SLC25A37: variants seen among roughly 807,000 people sequenced by gnomAD.
SLC25A37 encodes solute carrier family 25 member 37.
SLC25A37 carries 17 observed loss-of-function variants against 31.0 expected under a neutral mutation model. The observed-to-expected ratio is 0.55, with a 90% CI of 0.38 to 0.82. SLC25A37 has a LOEUF of 0.82. Ranked by LOEUF, SLC25A37 falls within the 40% of genes least tolerant of loss-of-function variation. SLC25A37 has a pLI of 0.00. For synonymous variants in SLC25A37, 222 were observed against 193.0 expected, an observed-to-expected ratio of 1.15 and a Z score of -1.24; for missense variants, 404 against 465.8, an observed-to-expected ratio of 0.87 and a Z score of 1.22.
rs140552292 is a variant in SLC25A37 at position 23,573,486 on chromosome 8, C to T, written c.*1631C>T. 2.4e-3 allele frequency: 503 copies of T among 211,706 alleles called. 2 individuals carry two copies. The highest frequency in any genetic ancestry group is 0.011 in the African/African-American group (473 of 44,198). The allele number at this position is 211,706 out of a possible 1,614,324, so 13.1% of individuals were successfully genotyped here. Reference sequence around the variant, plus strand: ...CATGTATGTTTGCATTTCAGTGAGCCGGGTCCTGACCTGCCGCCACCCATC... The same window carrying T: ...CATGTATGTTTGCATTTCAGTGAGCTGGGTCCTGACCTGCCGCCACCCATC... On this transcript the variant is annotated 3_prime_UTR_variant, in exon 4 of 4. Transcript: ENST00000519973.
chr8:23,550,514 G>A (rs1802194906), intron 1 of SLC25A37, among the ~76,000 whole-genome samples: 1 of 152,252 alleles, frequency 6.6e-6, no homozygotes, highest in Admixed American at 6.5e-5. Flanking sequence ...TGTGGCCTCC[G>A]CCAAGGGCGT....
intron 3 of SLC25A37, 70 bp from the exon 4 acceptor site, chr8:23,571,265 G>T: frequency 6.9e-7 from 1 of 1,454,054 alleles, no homozygotes. Flanking sequence ...ATTCCGACCT[G>T]GGGTGGGGCC....
chr8:23,548,048 C>G (rs1247084174), intron 1 of SLC25A37, among the ~76,000 whole-genome samples: 1 of 152,174 alleles, frequency 6.6e-6, no homozygotes, highest in South Asian at 2.1e-4. Context: ...AGAGGAGCAT[C>G]CGTGGGAATG....
In SLC25A37 at chr8:23,529,033, C is replaced by T. The variant is rs972433340; in HGVS notation, c.31C>T (p.Gln11Ter). The T allele has an allele frequency of 3.9e-6, 6 of 1,551,014 alleles. No individual in the cohort carries two copies. Among genetic ancestry groups the T allele is most frequent in the East Asian group, 2.5e-5 (1 of 40,338 alleles). Residue 11 changes from glutamine to a stop codon, truncating the protein, a stop_gained, in exon 1 of 4, where the codon CAG (glutamine) becomes TAG (stop). Coordinates refer to ENST00000519973, the MANE Select transcript of SLC25A37 (RefSeq NM_016612.4). LOFTEE classifies it high-confidence loss of function. The surrounding 1 kb of genome is among the most constrained non-coding windows in gnomAD (Gnocchi z 4.1). MELRSGSVGS[Q>*]AVARRMDGDS... Reference sequence around the variant, plus strand: ...GCTGCGCAGCGGGAGCGTGGGCAGCCAGGCGGTGGCGCGGAGGATGGATGG... The same window carrying T: ...GCTGCGCAGCGGGAGCGTGGGCAGCTAGGCGGTGGCGCGGAGGATGGATGG...
At chr8:23,555,193 CG>C (rs1415279157) in intron 1 of SLC25A37, among the ~76,000 whole-genome samples, 1 of 152,172 alleles carries the variant, frequency 6.6e-6, no homozygotes. Flanking sequence ...CCTCCTGCAG[CG>C]GGAATTGTTT....
intron 1 of SLC25A37, among the ~76,000 whole-genome samples, chr8:23,544,774 A>T (rs1293755576): frequency 1.3e-5 from 2 of 152,108 alleles, no homozygotes; most frequent in Non-Finnish European, 2.9e-5. Flanking sequence ...TGACACTCTA[A>T]TCTGGGGTTC....
In SLC25A37 at chr8:23,571,945, T is replaced by G. The variant is rs1239635564; in HGVS notation, c.*90T>G. On this transcript the variant is annotated 3_prime_UTR_variant, in exon 4 of 4. Coordinates refer to ENST00000519973, the MANE Select transcript of SLC25A37 (RefSeq NM_016612.4). Reference sequence around the variant, plus strand: ...CCTCACACGTAGATCATTTTTTTTTTGCAGGGTGCTGCCTATGGGCCCTCT... The same window carrying G: ...CCTCACACGTAGATCATTTTTTTTTGGCAGGGTGCTGCCTATGGGCCCTCT... The G allele has an allele frequency of 7.0e-7, 1 of 1,426,766 alleles. No homozygotes were observed. The allele number at this position is 1,426,766 out of a possible 1,614,324, so 88.4% of individuals were successfully genotyped here. A position where few individuals can be genotyped will look rare whatever the true frequency, so the allele number is the denominator to read the frequency against.
chr8:23,555,907 C>T (rs899055093), intron 1 of SLC25A37, among the ~76,000 whole-genome samples: 3 of 152,350 alleles, frequency 2.0e-5, no homozygotes, highest in Admixed American at 1.3e-4. Context: ...GGGAAAGCCA[C>T]GTAGACCTGA....
Position 23,563,338 on chromosome 8 carries a change from C to T in SLC25A37, c.211-2770C>T, listed in dbSNP as rs533121807. Among the ~76,000 whole-genome samples, 10 of 152,256 alleles carry T rather than the reference C, an allele frequency of 6.6e-5. No individual in the cohort carries two copies. In the East Asian group the frequency reaches 1.4e-3, roughly 21 times the overall value. ...AATAGCCAAGGCTACAGAGGTGTGC[C>T]GCCATGCCTGGCTAATTTCTTATTT... On this transcript the variant is annotated intron_variant, in intron 1 of 3. Coordinates refer to ENST00000519973, the MANE Select transcript of SLC25A37 (RefSeq NM_016612.4).
chr8:23,560,014 CT>C (rs1168800451), intron 1 of SLC25A37, among the ~76,000 whole-genome samples: 1 of 152,116 alleles, frequency 6.6e-6, no homozygotes, highest in Non-Finnish European at 1.5e-5. Flanking sequence ...GGTAGTGGAG[CT>C]TTAAAAAAGA....
chr8:23,546,528 G>GGTGTATATATATATATATATA (rs1802047406), intron 1 of SLC25A37, among the ~76,000 whole-genome samples: 1 of 78,532 alleles, frequency 1.3e-5, no homozygotes, highest in Non-Finnish European at 2.4e-5. Flanking sequence ...TATATATATA[G>GGTGTATATATATATATATATA]GTGTATATAT....
Position 23,546,548 on chromosome 8 carries a change from T to C in SLC25A37, c.210+17336T>C, listed in dbSNP as rs1348885768. Among the ~76,000 whole-genome samples, 7 of 16,214 alleles carry C rather than the reference T, an allele frequency of 4.3e-4. No individual in the cohort carries two copies. In the East Asian group the frequency reaches 9.8e-3, roughly 23 times the overall value. 10.6% of individuals were successfully genotyped at this position (16,214 alleles called of 152,430 possible). A position where few individuals can be genotyped will look rare whatever the true frequency, so the allele number is the denominator to read the frequency against. ...ATATAGGTGTATATATATATATATATATATAGTGTATATATATATATATAT... is the reference window on the plus strand; with the variant it reads ...ATATAGGTGTATATATATATATATACATATAGTGTATATATATATATATAT... On this transcript the variant is annotated intron_variant, in intron 1 of 3. Coordinates refer to ENST00000519973, the MANE Select transcript of SLC25A37 (RefSeq NM_016612.4).
chr8:23,571,968 T>G lies in SLC25A37; in HGVS notation c.*113T>G. 8 of 1,179,574 alleles carry G rather than the reference T, an allele frequency of 6.8e-6. No individual in the cohort carries two copies. Among genetic ancestry groups the G allele is most frequent in the Non-Finnish European group, 8.3e-6 (7 of 840,170 alleles). 73.1% of individuals were successfully genotyped at this position (1,179,574 alleles called of 1,614,324 possible). A position where few individuals can be genotyped will look rare whatever the true frequency, so the allele number is the denominator to read the frequency against. On this transcript the variant is annotated 3_prime_UTR_variant, in exon 4 of 4. Transcript: ENST00000519973. ...TTTGCAGGGTGCTGCCTATGGGCCC[T>G]CTGCTCCCCAATGCCTTAGAGAGAG...
chr8:23,529,018 G>C lies in SLC25A37; in HGVS notation c.16G>C (p.Gly6Arg), dbSNP rs781228880. 3.3e-6 allele frequency: 5 copies of C among 1,534,764 alleles called. No individual in the cohort carries two copies. Among genetic ancestry groups the C allele is most frequent in the Non-Finnish European group, 3.5e-6 (4 of 1,141,258 alleles). The change falls in exon 1 of 4, where the codon GGG becomes CGG. Residue 6 changes from glycine to arginine, a missense_variant. Around this residue, in one of 3 missense-constraint regions of SLC25A37, gnomAD observed 154 missense variants for 153.6 expected, o/e 1.00. Transcript: ENST00000519973. The surrounding 1 kb of genome is among the most constrained non-coding windows in gnomAD (Gnocchi z 4.1). ...GAGCTGGCGGATGGAGCTGCGCAGC[G>C]GGAGCGTGGGCAGCCAGGCGGTGGC... MELRS[G>R]SVGSQAVARR...
In SLC25A37 at chr8:23,573,639, G is replaced by C. The variant is rs932688457; in HGVS notation, c.*1784G>C. On this transcript the variant is annotated 3_prime_UTR_variant, in exon 4 of 4. Coordinates refer to ENST00000519973, the MANE Select transcript of SLC25A37 (RefSeq NM_016612.4). ...CATGCACACAGTGCCTTGGGGAGTA[G>C]ATTTTGCCCTAATAGCGATGAAGAA... is the stretch of plus-strand genomic sequence containing the variant. The C allele has an allele frequency of 1.1e-5, 4 of 377,500 alleles. No homozygotes were observed. The highest frequency in any genetic ancestry group is 2.2e-5 in the Non-Finnish European group (4 of 182,510). 23.4% of individuals were successfully genotyped at this position (377,500 alleles called of 1,614,324 possible).
chr8:23,548,392 A>C (rs754362378), intron 1 of SLC25A37, among the ~76,000 whole-genome samples: 1 of 146,728 alleles, frequency 6.8e-6, no homozygotes, highest in Non-Finnish European at 1.5e-5. Flanking sequence ...GTTGGTCAGG[A>C]TGGTCTCAAT....
chr8:23,531,508 C>T (rs933502275), intron 1 of SLC25A37, among the ~76,000 whole-genome samples: 4 of 152,190 alleles, frequency 2.6e-5, no homozygotes, highest in African/African-American at 9.7e-5. Context: ...CAACACCCAT[C>T]GTCCTCTTTT....
At chr8:23,566,506 A>G (rs777283052) in intron 2 of SLC25A37, 170 bp downstream of exon 2, 57 of 1,381,302 alleles carry the variant, frequency 4.1e-5, no homozygotes, top group Middle Eastern at 2.2e-4. Context: ...ACGCACACAC[A>G]CGCGCGCGCA....
At chr8:23,566,989 G>C (rs1244257199) in intron 2 of SLC25A37, 1 of 252,540 alleles carries the variant, frequency 4.0e-6, no homozygotes, top group African/African-American at 2.3e-5. Flanking sequence ...AGAGAGGCGG[G>C]GTGGGGGGGT....
Sources: gnomAD v4.1 joint callset for allele counts (sites outside exome capture counted in the v4.1 genomes callset) on GRCh38, gnomAD v4.1.1 for gene constraint, gnomAD v4.1.1 regional missense constraint, Gnocchi (gnomAD v3.1) non-coding constraint, MANE v1.5 for transcripts, NCBI Gene and HGNC (gene_info 2026-07-23, HGNC 2026-07-21) for gene names.